Variants in CLVS1 observed in about 807,000 individuals in gnomAD.
CLVS1 encodes clavesin 1.
CLVS1 carries 10 observed loss-of-function variants against 33.1 expected under a neutral mutation model. The observed-to-expected ratio is 0.30, with a 90% CI of 0.19 to 0.51. The LOEUF is 0.51. Among genes scored for constraint, CLVS1 ranks in the 20% least tolerant of loss-of-function variants. The probability of loss-of-function intolerance (pLI) is 0.97; values close to 1 mark genes in which losing one functional copy is unlikely to be tolerated. For missense variants in CLVS1, 343 were observed against 433.4 expected, an observed-to-expected ratio of 0.79 and a Z score of 1.85; for synonymous variants, 163 against 166.1, an observed-to-expected ratio of 0.98 and a Z score of 0.14.
the CLVS1 span, among the ~76,000 whole-genome samples, chr8:60,967,197 G>A: frequency 6.6e-6 from 1 of 152,186 alleles, no homozygotes; most frequent in Non-Finnish European, 1.5e-5. Flanking sequence ...TAGGTCTGAT[G>A]GAACATGCAA....
chr8:61,148,206 T>C (rs1423675316), intron 2 of CLVS1, among the ~76,000 whole-genome samples: 1 of 152,244 alleles, frequency 6.6e-6, no homozygotes. Flanking sequence ...TTCTCACTTA[T>C]GTGGACTGTC....
chr8:61,109,870 C>T (rs1805596328), intron 1 of CLVS1, among the ~76,000 whole-genome samples: 1 of 152,172 alleles, frequency 6.6e-6, no homozygotes, highest in South Asian at 2.1e-4. Context: ...CCTGCACTGC[C>T]CCAGGACTCC....
upstream of CLVS1, among the ~76,000 whole-genome samples, chr8:61,055,154 A>G (rs1040971301): frequency 3.9e-5 from 6 of 152,254 alleles, no homozygotes; most frequent in Non-Finnish European, 8.8e-5. Flanking sequence ...GTAGCATTTG[A>G]CAGAAGCTAA....
At chr8:61,378,506 A>AG (rs1813737452) in intron 3 of CLVS1, 1 of 152,264 alleles carries the variant, frequency 6.6e-6, no homozygotes, top group Non-Finnish European at 1.5e-5. Context: ...TTGGGCCTTC[A>AG]GTTGTCACAC....
the CLVS1 span, among the ~76,000 whole-genome samples, chr8:60,977,254 T>C: frequency 6.6e-6 from 1 of 152,206 alleles, no homozygotes; most frequent in East Asian, 1.9e-4. Context: ...ACTCAAAATA[T>C]TCAGTTGCTA....
chr8:61,029,599 T>A, the CLVS1 span, among the ~76,000 whole-genome samples: 4 of 151,830 alleles, frequency 2.6e-5, no homozygotes, highest in South Asian at 4.2e-4. Flanking sequence ...TCTTTTTTTT[T>A]TTATTAATTT....
At chr8:61,389,188 A>C (rs1227537283) in intron 3 of CLVS1, among the ~76,000 whole-genome samples, 1 of 152,204 alleles carries the variant, frequency 6.6e-6, no homozygotes, top group Non-Finnish European at 1.5e-5. Context: ...ACATACTAGA[A>C]GTCTCAATGA....
At chr8:61,205,461 C>T (rs2978527) in intron 2 of CLVS1, among the ~76,000 whole-genome samples, 98,689 of 152,144 alleles carry the variant, frequency 0.65, 34,409 homozygotes, top group East Asian at 0.97. Context: ...TAAATAAATA[C>T]TCCTTTGTAC....
intron 2 of CLVS1, among the ~76,000 whole-genome samples, chr8:61,188,698 A>G (rs72654675): frequency 0.022 from 3,316 of 152,220 alleles, 48 homozygotes; most frequent in East Asian, 0.052. Context: ...AAGACTAATC[A>G]GAAGAAAATT....
chr8:61,332,677 G>A (rs1479764883), intron 2 of CLVS1, among the ~76,000 whole-genome samples: 1 of 152,122 alleles, frequency 6.6e-6, no homozygotes, highest in African/African-American at 2.4e-5. Context: ...GTCTCTCTCT[G>A]TTGCCCAGGC....
chr8:61,474,796 C>CT (rs922355481), intron 5 of CLVS1, among the ~76,000 whole-genome samples: 6 of 151,582 alleles, frequency 4.0e-5, no homozygotes, highest in Non-Finnish European at 7.4e-5. Context: ...CAGGGCAAGT[C>CT]TTTTTTTTTA....
At chr8:61,287,075 G>A (rs763810589), upstream of CLVS1, among the ~76,000 whole-genome samples, 8 of 152,110 alleles carry the variant, frequency 5.3e-5, no homozygotes, top group South Asian at 2.1e-4. Flanking sequence ...CATAAGGTAC[G>A]AGAAGTGAAA....
intron 1 of CLVS1, 49 bp downstream of exon 1, chr8:61,288,187 C>G (rs993435795): frequency 6.6e-6 from 3 of 456,240 alleles, no homozygotes; most frequent in Non-Finnish European, 1.3e-5. Context: ...GCCTCCCCGC[C>G]TTTCCCCCGC....
At chr8:61,496,557 A>G (rs2129608820) in intron 5 of CLVS1, among the ~76,000 whole-genome samples, 1 of 152,292 alleles carries the variant, frequency 6.6e-6, no homozygotes, top group South Asian at 2.1e-4. Context: ...TACAACCTAG[A>G]GCTTCCTTCC....
intron 3 of CLVS1, among the ~76,000 whole-genome samples, chr8:61,388,102 T>C (rs945404751): frequency 7.9e-5 from 12 of 151,980 alleles, no homozygotes; most frequent in Admixed American, 3.9e-4. Flanking sequence ...AGTGTGTAGC[T>C]CAGTGACTTT....
intron 2 of CLVS1, among the ~76,000 whole-genome samples, chr8:61,302,316 A>G (rs756022626): frequency 2.0e-5 from 3 of 152,214 alleles, no homozygotes; most frequent in Admixed American, 1.3e-4. Context: ...TAATTAACAT[A>G]ATTAATGATG....
At chr8:61,385,383 G>C (rs1814041793) in intron 3 of CLVS1, among the ~76,000 whole-genome samples, 1 of 152,158 alleles carries the variant, frequency 6.6e-6, no homozygotes, top group South Asian at 2.1e-4. Flanking sequence ...CAAGTTTCTA[G>C]TCCTGTCAGT....
intron 2 of CLVS1, among the ~76,000 whole-genome samples, chr8:61,162,005 A>AC (rs1806761945): frequency 4.6e-5 from 3 of 64,560 alleles, no homozygotes; most frequent in Non-Finnish European, 1.3e-4. Context: ...AAAAAAAAAA[A>AC]CGTAGTGTTG....
chr8:61,232,023 G>GTTTGTTTGTTTGTTTTTT, intron 2 of CLVS1, among the ~76,000 whole-genome samples: 119 of 62,642 alleles, frequency 1.9e-3, no homozygotes, highest in Non-Finnish European at 3.3e-3. Flanking sequence ...GAAAGTTGTG[G>GTTTGTTTGTTTGTTTTTT]TTTTTTTTTT....
Sources: allele counts gnomAD v4.1 joint callset (sites outside exome capture counted in the v4.1 genomes callset), GRCh38; gene constraint gnomAD v4.1.1; transcripts MANE v1.5; gene names NCBI Gene and HGNC (gene_info 2026-07-23, HGNC 2026-07-21).